Variants in USP24 observed in about 807,000 individuals in gnomAD.
USP24 encodes the protein ubiquitin specific peptidase 24, also known as ubiquitin carboxyl-terminal hydrolase 24.
USP24 carries 97 observed loss-of-function variants against 361.6 expected under a neutral mutation model. The ratio of observed to expected loss-of-function variants is 0.27; its 90% CI spans 0.23 to 0.32. The LOEUF (loss-of-function observed/expected upper bound fraction) is 0.32. USP24 is among the 10% of genes least tolerant of loss of function. USP24 has a pLI of 1.00. For missense variants in USP24, 2,353 were observed against 3,165.6 expected (o/e 0.74, Z 6.16); for synonymous variants, 1,098 against 1,124.6 (o/e 0.98, Z 0.47).
In USP24 at chr1:55,166,596, T is replaced by C. The variant is rs767422788; in HGVS notation, c.833A>G (p.His278Arg). The part of the protein sequence containing the change: ...SPVSTFQKEP[H>R]GWVVDLVNKF... ...ATTTACCAAATCCACAACCCATCCA[T>C]GAGGCTCCTATGAGAAAAGAAAAAC... The change falls in exon 6 of 68, where the codon CAT becomes CGT. Residue 278 changes from histidine (H) to arginine (R), a missense_variant. This residue lies in a region of USP24 where 386 missense variants were observed against 560.5 expected (regional missense o/e 0.69). Coordinates refer to ENST00000294383, the MANE Select transcript of USP24 (RefSeq NM_015306.3). 4 of 1,593,740 alleles carry C rather than the reference T, an allele frequency of 2.5e-6. No individual in the cohort carries two copies. The highest frequency in any genetic ancestry group is 2.6e-6 in the Non-Finnish European group (3 of 1,169,592).
At chr1:55,148,435 T>G (rs747144612) in intron 17 of USP24, 28 bp downstream of exon 17, 85 of 1,492,692 alleles carry the variant, frequency 5.7e-5, no homozygotes, top group Non-Finnish European at 7.4e-5. Context: ...CAAGTAACTA[T>G]AATAATAAAA....
At chr1:55,162,177 A>C in intron 8 of USP24, 22 bp downstream of exon 8, 1 of 1,575,366 alleles carries the variant, frequency 6.3e-7, no homozygotes, top group Non-Finnish European at 8.6e-7. Flanking sequence ...ATATGAAGTA[A>C]TGTGAAATGG....
chr1:55,171,704 A>G, intron 4 of USP24, 26 bp from the exon 5 acceptor site: 1 of 1,584,888 alleles, frequency 6.3e-7, no homozygotes, highest in Non-Finnish European at 8.6e-7. Flanking sequence ...ACAGAGAAAC[A>G]TTATTATCTA....
chr1:55,110,269 T>TTAC, intron 38 of USP24, 23 bp from the exon 39 acceptor site: 1 of 1,506,438 alleles, frequency 6.6e-7, no homozygotes, highest in Non-Finnish European at 8.9e-7. Flanking sequence ...AAGGTTTCAG[T>TTAC]TACTAATAAG....
In USP24 at chr1:55,068,776, GA is replaced by G. The variant is rs1456223375; in HGVS notation, c.*268del. The G allele has an allele frequency of 1.2e-5, 5 of 423,442 alleles. No individual in the cohort carries two copies. In the East Asian group the frequency reaches 1.8e-4, roughly 15 times the overall value. 26.2% of individuals were successfully genotyped at this position (423,442 alleles called of 1,614,324 possible). A position where few individuals can be genotyped will look rare whatever the true frequency, so the allele number is the denominator to read the frequency against. On this transcript the variant is annotated 3_prime_UTR_variant, in exon 68 of 68. Coordinates refer to ENST00000294383, the MANE Select transcript of USP24 (RefSeq NM_015306.3). ...AAAGTCTGCCACTGGCTCTATTTCC[GA>G]AAATCTCCACAGAAATGTGAATCCA...
At chr1:55,073,719 C>A (rs1384771584) in intron 64 of USP24, 109 bp downstream of exon 64, 22 of 1,050,518 alleles carry the variant, frequency 2.1e-5, no homozygotes, top group Non-Finnish European at 3.2e-5. Flanking sequence ...CAGGCCCTGA[C>A]TGAGTCAGAT....
chr1:55,125,629 T>C (rs1211819489), intron 33 of USP24, 34 bp downstream of exon 33: 1 of 1,578,542 alleles, frequency 6.3e-7, no homozygotes, highest in Admixed American at 1.8e-5. Flanking sequence ...AGTCAAGTAT[T>C]GCCTGGTAAG....
At chr1:55,184,639 T>A (rs902402092) in intron 1 of USP24, among the ~76,000 whole-genome samples, 3 of 152,182 alleles carry the variant, frequency 2.0e-5, no homozygotes, top group Admixed American at 1.3e-4. Flanking sequence ...CAGATTCTCC[T>A]CAAGTGCGCA....
At chr1:55,078,478 G>A in intron 61 of USP24, 60 bp downstream of exon 61, 1 of 1,352,296 alleles carries the variant, frequency 7.4e-7, no homozygotes, top group Non-Finnish European at 1.0e-6. Flanking sequence ...GCAAAAAGAT[G>A]CTCTCCTAGA....
At chr1:55,118,225 C>G (rs1476722129) in intron 38 of USP24, among the ~76,000 whole-genome samples, 1 of 152,136 alleles carries the variant, frequency 6.6e-6, no homozygotes, top group Non-Finnish European at 1.5e-5. Context: ...AAGCTTAGTA[C>G]AATACTACAG....
chr1:55,106,803 T>A (rs969139399), intron 40 of USP24, among the ~76,000 whole-genome samples: 2 of 152,176 alleles, frequency 1.3e-5, no homozygotes, highest in African/African-American at 4.8e-5. Flanking sequence ...TAATACTGAA[T>A]AATCTTTTAC....
At chr1:55,110,003 CAGA>C (rs1220190016) in intron 39 of USP24, among the ~76,000 whole-genome samples, 179 bp downstream of exon 39, 1 of 152,162 alleles carries the variant, frequency 6.6e-6, no homozygotes, top group East Asian at 1.9e-4. Context: ...GGTTATGTAA[CAGA>C]AGAAGAGCTC....
chr1:55,069,101 C>G lies in USP24; in HGVS notation c.7807G>C (p.Glu2603Gln). 1.2e-6 allele frequency: 2 copies of G among 1,613,976 alleles called. No individual in the cohort carries two copies. The highest frequency in any genetic ancestry group is 1.7e-6 in the Non-Finnish European group (2 of 1,179,878). Residue 2603 changes from glutamate (E) to glutamine (Q), a missense_variant, in exon 68 of 68, where the codon GAA becomes CAA. Glu to Gln is a conservative substitution (Grantham distance 29, BLOSUM62 2). Coordinates refer to ENST00000294383, the MANE Select transcript of USP24 (RefSeq NM_015306.3). ...NGDRHLQQGS[E>Q]SPMMIGELRS... ...AACTCACCAATCATCATGGGAGATTCTGAACCCTGCAGAAAAGAAAAGGAA... is the reference window on the plus strand; with the variant it reads ...AACTCACCAATCATCATGGGAGATTGTGAACCCTGCAGAAAAGAAAAGGAA...
intron 1 of USP24, among the ~76,000 whole-genome samples, chr1:55,185,826 TC>T (rs1644115623): frequency 6.6e-6 from 1 of 151,886 alleles, no homozygotes; most frequent in Admixed American, 6.6e-5. Context: ...AGCTCAGGCT[TC>T]CAAAGTTCTG....
At chr1:55,154,915 C>T (rs1647477178) in intron 12 of USP24, 137 bp from the exon 13 acceptor site, 2 of 608,768 alleles carry the variant, frequency 3.3e-6, no homozygotes, top group Admixed American at 3.3e-5. Flanking sequence ...CATCCACTTG[C>T]ATAATATTGG....
In USP24 at chr1:55,125,459, C is replaced by G. The variant is rs779194410; in HGVS notation, c.3821G>C (p.Arg1274Pro). The change falls in exon 34 of 68, where the codon CGA becomes CCA. Residue 1274 changes from arginine to proline, a missense_variant. Transcript: ENST00000294383. ...TCTGCTTGTCTGCCGGCTGACATTT[C>G]GGAATGGGCGGGAAGAAAGTGCTTC... ...GIEALSSRPF[R>P]NVSRQTSRQM... 6.2e-7 allele frequency: 1 copy of G among 1,613,938 alleles called. No individual in the cohort carries two copies. Among genetic ancestry groups the G allele is most frequent in the South Asian group, 1.1e-5 (1 of 91,076 alleles).
Position 55,115,719 on chromosome 1 carries a change from T to C in USP24, c.4508+4877A>G, listed in dbSNP as rs520375. On this transcript the variant is annotated intron_variant, in intron 38 of 67. Coordinates refer to ENST00000294383, the MANE Select transcript of USP24 (RefSeq NM_015306.3). Reference sequence around the variant, plus strand: ...TCTACTATAAAGACACATGCATGGGTATGTTTATTGTGGCACTGTTCACAA... The same window carrying C: ...TCTACTATAAAGACACATGCATGGGCATGTTTATTGTGGCACTGTTCACAA... Among the ~76,000 whole-genome samples the C allele has an allele frequency of 3.4e-3, 519 of 152,202 alleles. 2 individuals carry two copies. Among genetic ancestry groups the C allele is most frequent in the Non-Finnish European group, 6.2e-3 (423 of 68,024 alleles).
chr1:55,086,172 G>T, intron 55 of USP24, 134 bp from the exon 56 acceptor site: 2 of 763,240 alleles, frequency 2.6e-6, no homozygotes, highest in Non-Finnish European at 4.3e-6. Flanking sequence ...TATGGGCCAA[G>T]TGGAGCTTTC....
At chr1:55,122,566 A>T (rs1331578803) in intron 36 of USP24, among the ~76,000 whole-genome samples, 1 of 152,212 alleles carries the variant, frequency 6.6e-6, no homozygotes, top group Non-Finnish European at 1.5e-5. Context: ...AGAAGCAAGA[A>T]GATGAGTTAG....
Sources: gnomAD v4.1 joint callset for allele counts (sites outside exome capture counted in the v4.1 genomes callset) on GRCh38, gnomAD v4.1.1 for gene constraint, gnomAD v4.1.1 regional missense constraint, MANE v1.5 for transcripts, NCBI Gene and HGNC (gene_info 2026-07-23, HGNC 2026-07-21) for gene names.